DOCK9: variants seen among roughly 807,000 people sequenced by gnomAD.
The protein encoded by DOCK9 is dedicator of cytokinesis 9, also known as dedicator of cytokinesis protein 9.
In DOCK9, 89 loss-of-function variants were observed where a neutral mutation model predicts 263.3. The observed-to-expected ratio is 0.34, with a 90% CI of 0.28 to 0.40. DOCK9 has a LOEUF of 0.40. Among genes scored for constraint, DOCK9 ranks in the 10% least tolerant of loss-of-function variants. DOCK9 has a pLI of 1.00. For synonymous variants in DOCK9, 976 were observed against 973.1 expected, an observed-to-expected ratio of 1.00 and a Z score of -0.06; for missense variants, 2,140 against 2,603.4, an observed-to-expected ratio of 0.82 and a Z score of 3.87.
In DOCK9 at chr13:98,919,148, C is replaced by G. The variant is rs796808531; in HGVS notation, c.717+1806G>C. On this transcript the variant is annotated intron_variant, in intron 7 of 52. Transcript: ENST00000682017. ...TTTTTGAGATGGAGTCTCGCTCTGT[C>G]ACCCAGGCTAGAGTGCAATGGCGCA... Among the ~76,000 whole-genome samples the G allele has an allele frequency of 4.7e-5, 7 of 149,476 alleles. 1 individual carries two copies. The South Asian group carries it at 1.3e-3, about 27-fold the overall frequency.
At chr13:98,869,667 C>T (rs529201880) in intron 27 of DOCK9, among the ~76,000 whole-genome samples, 131 of 152,352 alleles carry the variant, frequency 8.6e-4, no homozygotes, top group African/African-American at 3.0e-3. Context: ...TAAAACTGTC[C>T]TTGTCTTCCT....
At chr13:98,836,174 C>T (rs1490670376) in intron 39 of DOCK9, among the ~76,000 whole-genome samples, 1 of 152,142 alleles carries the variant, frequency 6.6e-6, no homozygotes. Context: ...GCCTGTAGCT[C>T]ACCCCATGAT....
At chr13:98,861,725 A>C (rs779634146) in intron 32 of DOCK9, among the ~76,000 whole-genome samples, 1 of 152,262 alleles carries the variant, frequency 6.6e-6, no homozygotes, top group South Asian at 2.1e-4. Flanking sequence ...TGAGTAAAAA[A>C]GAGCAAAACC....
Position 98,829,453 on chromosome 13 carries a change from G to C in DOCK9, c.4819C>G (p.Gln1607Glu). 6.2e-7 allele frequency: 1 copy of C among 1,613,928 alleles called. No individual in the cohort carries two copies. The highest frequency in any genetic ancestry group is 8.5e-7 in the Non-Finnish European group (1 of 1,179,880). Residue 1607 changes from glutamine to glutamate, a missense_variant, in exon 43 of 53, where the codon CAG (glutamine) becomes GAG (glutamate). By Grantham distance (29) the Gln-to-Glu change is conservative (BLOSUM62 2). Coordinates refer to ENST00000682017, the MANE Select transcript of DOCK9 (RefSeq NM_001366683.2). This position sits in a 1 kb window ranked among gnomAD's most constrained non-coding sequence, Gnocchi z 4.1. Reference protein sequence around the residue: ...RIRTVLMATAQMKEHENDPEM... With the variant: ...RIRTVLMATAEMKEHENDPEM... Reference sequence around the variant, plus strand: ...GGGTCGTTCTCATGCTCCTTCATCTGGGCGGTGGCCATTAGCACCGTGCGT... The same window carrying C: ...GGGTCGTTCTCATGCTCCTTCATCTCGGCGGTGGCCATTAGCACCGTGCGT...
intron 38 of DOCK9, among the ~76,000 whole-genome samples, chr13:98,844,886 T>C (rs1571434): frequency 0.24 from 36,046 of 152,100 alleles, 4,637 homozygotes; most frequent in East Asian, 0.43. Context: ...AATTTATTAT[T>C]AGACATGATG....
chr13:98,919,728 T>C (rs2051578343), intron 7 of DOCK9, among the ~76,000 whole-genome samples: 1 of 152,248 alleles, frequency 6.6e-6, no homozygotes, highest in Non-Finnish European at 1.5e-5. Context: ...CTTGGGCAGC[T>C]TCTGACTAAT....
At chr13:99,086,361 C>CCCGCCG (rs1555311029) in exon 1 of DOCK9, 6 of 1,311,270 alleles carry the variant, frequency 4.6e-6, no homozygotes, top group South Asian at 1.9e-5. Flanking sequence ...TCCTCCTGCC[C>CCCGCCG]CCGCCGCCTC....
rs561143543 is a variant in DOCK9 at position 98,825,425 on chromosome 13, C to T, written c.5024-921G>A. Among the ~76,000 whole-genome samples, 2 of 152,274 alleles carry T rather than the reference C, an allele frequency of 1.3e-5. No individual in the cohort carries two copies. The highest frequency in any genetic ancestry group is 1.9e-4 in the East Asian group (1 of 5,184). ...GTATTCTGAAATCAAGCCTTGAAAA[C>T]GGAGATCCTGAAGTCAGAGATTTTT... On this transcript the variant is annotated intron_variant, in intron 44 of 52. Transcript: ENST00000682017. The surrounding 1 kb of genome is among the most constrained non-coding windows in gnomAD (Gnocchi z 4.1).
At chr13:98,816,826 G>A (rs1196590928) in intron 45 of DOCK9, among the ~76,000 whole-genome samples, 3 of 152,004 alleles carry the variant, frequency 2.0e-5, no homozygotes, top group Admixed American at 1.3e-4. Context: ...AGCACAGCAC[G>A]GGAGGATTTA....
chr13:98,807,920 G>T, intron 47 of DOCK9, 113 bp from the exon 48 acceptor site: 2 of 797,094 alleles, frequency 2.5e-6, no homozygotes, highest in Non-Finnish European at 3.7e-6. Flanking sequence ...TAAAAATCCT[G>T]CTGAAATGGG....
chr13:98,932,687 G>A lies in DOCK9; in HGVS notation c.244-2430C>T, dbSNP rs553780814. On this transcript the variant is annotated intron_variant, in intron 2 of 52. Coordinates refer to ENST00000682017, the MANE Select transcript of DOCK9 (RefSeq NM_001366683.2). The stretch of plus-strand genomic sequence containing the variant: ...CCTGCCTGTATTTTCTCTCTCTGTT[G>A]TGTCTGCTTCACCTATATTTATTCT... Among the ~76,000 whole-genome samples the A allele has an allele frequency of 7.2e-5, 11 of 152,250 alleles. No homozygotes were observed. In the South Asian group the frequency reaches 2.3e-3, roughly 32 times the overall value.
chr13:98,841,689 T>A (rs1210304069), intron 38 of DOCK9, among the ~76,000 whole-genome samples: 1 of 150,778 alleles, frequency 6.6e-6, no homozygotes, highest in Non-Finnish European at 1.5e-5. Flanking sequence ...CGGCATGATC[T>A]CGGCTCACTG....
chr13:98,953,866 A>G (rs2057723454), intron 2 of DOCK9, among the ~76,000 whole-genome samples: 1 of 152,204 alleles, frequency 6.6e-6, no homozygotes, highest in Non-Finnish European at 1.5e-5. Flanking sequence ...CACCACACGA[A>G]TGGTCAATTT....
At chr13:99,058,417 C>A (rs1408981831) in intron 1 of DOCK9, among the ~76,000 whole-genome samples, 1 of 152,292 alleles carries the variant, frequency 6.6e-6, no homozygotes, top group East Asian at 1.9e-4. Flanking sequence ...CCACCTCGGC[C>A]TCCCCAAGTG....
chr13:98,820,614 T>C (rs2092210311), intron 45 of DOCK9: 1 of 368,550 alleles, frequency 2.7e-6, no homozygotes, highest in African/African-American at 2.2e-5. Flanking sequence ...TACTCGTATA[T>C]ATGGGGAGAT....
chr13:98,799,344 A>G (rs1419510840), intron 50 of DOCK9, among the ~76,000 whole-genome samples: 1 of 152,260 alleles, frequency 6.6e-6, no homozygotes, highest in East Asian at 1.9e-4. Flanking sequence ...AAATACATAT[A>G]TACACACATG....
chr13:98,936,597 G>A (rs1595469661), intron 2 of DOCK9, among the ~76,000 whole-genome samples: 1 of 150,086 alleles, frequency 6.7e-6, no homozygotes, highest in Admixed American at 6.7e-5. Context: ...TACAGCCTGG[G>A]TGATGGAGTG....
chr13:98,809,157 A>G (rs1269427582), intron 47 of DOCK9, 195 bp downstream of exon 47: 1 of 1,526,322 alleles, frequency 6.6e-7, no homozygotes, highest in Admixed American at 2.0e-5. Flanking sequence ...AAAAGACAGG[A>G]AGAAAGAAAA....
intron 2 of DOCK9, among the ~76,000 whole-genome samples, chr13:98,947,410 T>TAA (rs35703620): frequency 0.37 from 55,406 of 147,820 alleles, 10,561 homozygotes; most frequent in East Asian, 0.56. Flanking sequence ...TGATGATAAT[T>TAA]AAAAAAAAAA....
Sources: gnomAD v4.1 joint callset for allele counts (sites outside exome capture counted in the v4.1 genomes callset) on GRCh38, gnomAD v4.1.1 for gene constraint, Gnocchi (gnomAD v3.1) non-coding constraint, MANE v1.5 for transcripts, NCBI Gene and HGNC (gene_info 2026-07-23, HGNC 2026-07-21) for gene names.